Variants in MYO3B observed in about 807,000 individuals in gnomAD.
The protein encoded by MYO3B is myosin IIIB, also known as myosin-IIIb.
MYO3B carries 156 observed loss-of-function variants against 174.6 expected under a neutral mutation model. The observed-to-expected ratio is 0.89, with a 90% CI of 0.78 to 1.02. MYO3B has a LOEUF of 1.02. Ranked by LOEUF, MYO3B falls within the 50% of genes least tolerant of loss-of-function variation. The pLI, the probability that MYO3B is intolerant of heterozygous loss-of-function variation, is 0.00. For synonymous variants in MYO3B, 563 were observed against 569.1 expected (o/e 0.99, Z 0.15); for missense variants, 1,632 against 1,639.4 (o/e 1.00, Z 0.08).
intron 32 of MYO3B, among the ~76,000 whole-genome samples, chr2:170,566,186 G>A (rs573701144): frequency 6.6e-6 from 1 of 152,244 alleles, no homozygotes; most frequent in South Asian, 2.1e-4. Flanking sequence ...CCAACAGATT[G>A]TACTCAAATC....
chr2:170,482,145 C>T (rs1685728567), intron 25 of MYO3B, among the ~76,000 whole-genome samples: 1 of 150,270 alleles, frequency 6.7e-6, no homozygotes, highest in African/African-American at 2.5e-5. Context: ...AGTTTTCCTG[C>T]ACAAGTTCTC....
intron 32 of MYO3B, among the ~76,000 whole-genome samples, chr2:170,615,923 A>G (rs1987927): frequency 0.28 from 42,601 of 152,054 alleles, 6,660 homozygotes; most frequent in East Asian, 0.53. Context: ...GGATGAAGTA[A>G]TTCTTTCACA....
intron 7 of MYO3B, among the ~76,000 whole-genome samples, chr2:170,247,337 C>G (rs1242861003): frequency 6.6e-6 from 1 of 152,120 alleles, no homozygotes; most frequent in African/African-American, 2.4e-5. Flanking sequence ...GGGCAAGGGT[C>G]AAGCACCTGT....
intron 32 of MYO3B, among the ~76,000 whole-genome samples, chr2:170,606,252 G>A (rs1431167463): frequency 6.6e-6 from 1 of 151,850 alleles, no homozygotes; most frequent in Non-Finnish European, 1.5e-5. Context: ...TCAAAGCTCT[G>A]TATGACATGT....
chr2:170,191,416 T>C (rs1353347942), intron 1 of MYO3B, among the ~76,000 whole-genome samples: 2 of 152,028 alleles, frequency 1.3e-5, no homozygotes, highest in Non-Finnish European at 2.9e-5. Flanking sequence ...GGAATTGCAG[T>C]CTTTGTGGCC....
chr2:170,259,784 A>C (rs939808649), intron 7 of MYO3B, among the ~76,000 whole-genome samples: 1 of 152,236 alleles, frequency 6.6e-6, no homozygotes, highest in African/African-American at 2.4e-5. Flanking sequence ...TGGATAACTT[A>C]CAGAATGGGA....
intron 7 of MYO3B, among the ~76,000 whole-genome samples, chr2:170,277,849 T>C (rs1178332972): frequency 6.6e-6 from 1 of 152,204 alleles, no homozygotes; most frequent in Non-Finnish European, 1.5e-5. Flanking sequence ...ATTTCTGCAA[T>C]TCGCTTTTCC....
At chr2:170,198,159 AG>A (rs2092621442) in intron 1 of MYO3B, among the ~76,000 whole-genome samples, 1 of 150,138 alleles carries the variant, frequency 6.7e-6, no homozygotes, top group Non-Finnish European at 1.5e-5. Flanking sequence ...ATCAGTTTTA[AG>A]GGCACCATGT....
intron 8 of MYO3B, among the ~76,000 whole-genome samples, chr2:170,366,283 G>T (rs532387905): frequency 6.6e-6 from 1 of 151,954 alleles, no homozygotes; most frequent in Non-Finnish European, 1.5e-5. Flanking sequence ...AACTAAGAAA[G>T]CACTTTTTTT....
At chr2:170,532,552 C>T (rs2106175405) in intron 30 of MYO3B, among the ~76,000 whole-genome samples, 1 of 152,222 alleles carries the variant, frequency 6.6e-6, no homozygotes, top group South Asian at 2.1e-4. Context: ...GTGGCTCATG[C>T]CTGTAATCCT....
intron 25 of MYO3B, among the ~76,000 whole-genome samples, chr2:170,484,400 T>C (rs1451354793): frequency 6.6e-6 from 1 of 152,218 alleles, no homozygotes; most frequent in East Asian, 1.9e-4. Flanking sequence ...AAAAATGCAT[T>C]AATAAATTTT....
chr2:170,264,131 C>T lies in MYO3B; in HGVS notation c.749+27995C>T, dbSNP rs545652841. On this transcript the variant is annotated intron_variant, in intron 7 of 34. Transcript: ENST00000408978. ...TCAACACAGCACATGTCTCTGCGAG[C>T]ACAGGGCTGGGGCTAGGGTTAGAGA... 1.6e-4 allele frequency among the ~76,000 whole-genome samples: 25 copies of T among 152,336 alleles called. No homozygotes were observed. In the South Asian group the frequency reaches 5.2e-3, roughly 32 times the overall value.
chr2:170,509,122 C>T (rs946277927), intron 28 of MYO3B, among the ~76,000 whole-genome samples: 19 of 152,244 alleles, frequency 1.2e-4, no homozygotes, highest in African/African-American at 4.3e-4. Context: ...TTTGGGAGGC[C>T]GAGGCGGGTG....
chr2:170,298,713 A>G (rs1033428448), intron 7 of MYO3B, among the ~76,000 whole-genome samples: 4 of 151,346 alleles, frequency 2.6e-5, no homozygotes, highest in Non-Finnish European at 5.9e-5. Context: ...TCAAGCATAG[A>G]TACCCTGGCA....
At chr2:170,182,113 C>A (rs1156268008) in intron 1 of MYO3B, among the ~76,000 whole-genome samples, 1 of 152,120 alleles carries the variant, frequency 6.6e-6, no homozygotes. Flanking sequence ...TTAGTACTTA[C>A]AACAATTCTT....
intron 32 of MYO3B, among the ~76,000 whole-genome samples, chr2:170,547,057 C>A (rs543764473): frequency 1.3e-5 from 2 of 152,054 alleles, no homozygotes; most frequent in South Asian, 4.2e-4. Flanking sequence ...TGGTGGCTCA[C>A]GCCTGTAATC....
chr2:170,279,643 T>C (rs1217708103), intron 7 of MYO3B, among the ~76,000 whole-genome samples: 1 of 152,084 alleles, frequency 6.6e-6, no homozygotes, highest in East Asian at 1.9e-4. Context: ...TAGGCCTCAG[T>C]GTCTGTTGTT....
intron 9 of MYO3B, among the ~76,000 whole-genome samples, chr2:170,378,642 T>C (rs1331014905): frequency 6.6e-6 from 1 of 152,224 alleles, no homozygotes; most frequent in African/African-American, 2.4e-5. Context: ...ACAATCTCCT[T>C]CAGGCTCAGA....
intron 23 of MYO3B, among the ~76,000 whole-genome samples, chr2:170,462,537 C>A (rs1263640856): frequency 8.5e-5 from 13 of 152,280 alleles, no homozygotes. Context: ...GGGAAGGTGG[C>A]TGCCTGGACG....
Sources: gnomAD v4.1 joint callset for allele counts (sites outside exome capture counted in the v4.1 genomes callset) on GRCh38, gnomAD v4.1.1 for gene constraint, MANE v1.5 for transcripts, NCBI Gene and HGNC (gene_info 2026-07-23, HGNC 2026-07-21) for gene names.